JMJD1C: variants seen among roughly 807,000 people sequenced by gnomAD.
The protein encoded by JMJD1C is jumonji domain-containing protein 1C.
JMJD1C carries 31 observed loss-of-function variants against 245.3 expected under a neutral mutation model. That is an observed-to-expected ratio of 0.13 (90% CI 0.09 to 0.17). The LOEUF (loss-of-function observed/expected upper bound fraction) is 0.17. Ranked by LOEUF, JMJD1C falls within the 10% of genes least tolerant of loss-of-function variation. The pLI is 1.00. For missense variants in JMJD1C, 2,691 were observed against 3,000.2 expected, an observed-to-expected ratio of 0.90 and a Z score of 2.41; for synonymous variants, 1,057 against 1,017.4, an observed-to-expected ratio of 1.04 and a Z score of -0.74.
intron 1 of JMJD1C, among the ~76,000 whole-genome samples, chr10:63,392,578 G>C (rs1186417258): frequency 6.6e-6 from 1 of 152,032 alleles, no homozygotes; most frequent in Non-Finnish European, 1.5e-5. Flanking sequence ...TGTAATCCCA[G>C]AACTTTAGGA....
At chr10:63,470,076 C>T (rs980736609), upstream of JMJD1C, among the ~76,000 whole-genome samples, 1 of 152,104 alleles carries the variant, frequency 6.6e-6, no homozygotes, top group African/African-American at 2.4e-5. Flanking sequence ...TCCCCAATAA[C>T]AGATTTTCAA....
At chr10:63,350,184 C>T (rs1019905443) in intron 2 of JMJD1C, among the ~76,000 whole-genome samples, 29 of 152,132 alleles carry the variant, frequency 1.9e-4, no homozygotes, top group Non-Finnish European at 4.0e-4. Flanking sequence ...AAAAGGTGAC[C>T]TGACTCATGA....
intron 2 of JMJD1C, among the ~76,000 whole-genome samples, chr10:63,270,444 C>T (rs1174391723): frequency 6.6e-6 from 1 of 151,726 alleles, no homozygotes; most frequent in Non-Finnish European, 1.5e-5. Context: ...ACTGGGATTA[C>T]AGGTGTGAGC....
chr10:63,344,295 T>C (rs919808003), intron 2 of JMJD1C, among the ~76,000 whole-genome samples: 4 of 152,198 alleles, frequency 2.6e-5, no homozygotes, highest in Admixed American at 6.5e-5. Context: ...TGTGTTACAA[T>C]TGCCTAAAAT....
intron 1 of JMJD1C, among the ~76,000 whole-genome samples, chr10:63,420,892 C>T (rs1950089093): frequency 7.0e-6 from 1 of 142,940 alleles, no homozygotes; most frequent in African/African-American, 2.9e-5. Context: ...AAGTACAAAA[C>T]AAACATTGTA....
chr10:63,246,203 T>C (rs1852179255), intron 3 of JMJD1C, among the ~76,000 whole-genome samples: 1 of 151,650 alleles, frequency 6.6e-6, no homozygotes. Context: ...GGAGATAAAA[T>C]CCAGGTAAAG....
At chr10:63,222,261 C>A in intron 3 of JMJD1C, 1 of 832,606 alleles carries the variant, frequency 1.2e-6, no homozygotes, top group Non-Finnish European at 2.1e-6. Context: ...CAGGATGTAA[C>A]AGGGAGAGCT....
Position 63,208,132 on chromosome 10 carries a change from G to A in JMJD1C, c.3537C>T (p.Phe1179=). The stretch of plus-strand genomic sequence containing the variant: ...GGGTAGGACTCCTACAATCATTTCT[G>A]AAGGTTGTTACTGAGTGAGATGCAA... ...HQIASHSVTT[F]RNDCRSPTHL... The change falls in exon 10 of 26, where the codon TTC becomes TTT. Residue 1179 remains phenylalanine, a synonymous_variant. Coordinates refer to ENST00000399262, the MANE Select transcript of JMJD1C (RefSeq NM_032776.3). 1.2e-6 allele frequency: 2 copies of A among 1,614,134 alleles called. No individual in the cohort carries two copies. The highest frequency in any genetic ancestry group is 1.7e-6 in the Non-Finnish European group (2 of 1,179,978).
intron 1 of JMJD1C, among the ~76,000 whole-genome samples, chr10:63,443,586 A>G (rs1167707053): frequency 2.0e-5 from 3 of 152,240 alleles, no homozygotes; most frequent in African/African-American, 7.2e-5. Flanking sequence ...TACTGGGATT[A>G]CAGGCGTGAG....
At chr10:63,279,675 G>T (rs1403220849) in intron 2 of JMJD1C, among the ~76,000 whole-genome samples, 1 of 152,142 alleles carries the variant, frequency 6.6e-6, no homozygotes, top group Non-Finnish European at 1.5e-5. Flanking sequence ...AGGAGCACTT[G>T]AGCCCACGAA....
intron 1 of JMJD1C, among the ~76,000 whole-genome samples, chr10:63,425,906 G>C (rs553806066): frequency 7.0e-4 from 107 of 152,284 alleles, no homozygotes; most frequent in Non-Finnish European, 1.3e-3. Flanking sequence ...GATATGCAAA[G>C]GCCAAGGACA....
intron 1 of JMJD1C, among the ~76,000 whole-genome samples, chr10:63,499,005 T>C (rs901687481): frequency 5.3e-5 from 8 of 152,246 alleles, no homozygotes; most frequent in African/African-American, 9.6e-5. Context: ...CTTATTTCAC[T>C]GACACAGTGT....
At chr10:63,244,503 G>C (rs987945051) in intron 3 of JMJD1C, among the ~76,000 whole-genome samples, 2 of 152,128 alleles carry the variant, frequency 1.3e-5, no homozygotes, top group African/African-American at 4.8e-5. Context: ...CAAAGACATA[G>C]ACATACATCC....
chr10:63,334,123 G>A (rs1484426397), intron 2 of JMJD1C, among the ~76,000 whole-genome samples: 1 of 152,184 alleles, frequency 6.6e-6, no homozygotes, highest in Admixed American at 6.5e-5. Context: ...AGAGGTGGTA[G>A]ACATACTCCA....
intron 2 of JMJD1C, among the ~76,000 whole-genome samples, chr10:63,329,589 A>G (rs1941922019): frequency 6.6e-6 from 1 of 152,214 alleles, no homozygotes; most frequent in Admixed American, 6.5e-5. Context: ...TAACTTGACA[A>G]ATACATAAAA....
At chr10:63,254,117 T>C (rs1279396391) in intron 3 of JMJD1C, among the ~76,000 whole-genome samples, 1 of 152,182 alleles carries the variant, frequency 6.6e-6, no homozygotes, top group Non-Finnish European at 1.5e-5. Context: ...GGGCTTCATT[T>C]TAAAGTATTT....
chr10:63,521,477 C>G, intron 1 of JMJD1C: 1 of 1,098,892 alleles, frequency 9.1e-7, no homozygotes, highest in Non-Finnish European at 1.2e-6. Flanking sequence ...CGCGGCCTGC[C>G]GTTGGCGGCC....
intron 1 of JMJD1C, among the ~76,000 whole-genome samples, chr10:63,421,186 T>C (rs1174505207): frequency 1.3e-5 from 2 of 151,724 alleles, no homozygotes; most frequent in African/African-American, 4.8e-5. Context: ...AATACAAAAT[T>C]AGCCGGGCGT....
chr10:63,381,482 T>C (rs978992889), intron 1 of JMJD1C, among the ~76,000 whole-genome samples: 1 of 152,168 alleles, frequency 6.6e-6, no homozygotes, highest in African/African-American at 2.4e-5. Flanking sequence ...CAGTGAGCTA[T>C]GATCGCACCA....
Sources: allele counts gnomAD v4.1 joint callset (sites outside exome capture counted in the v4.1 genomes callset), GRCh38; gene constraint gnomAD v4.1.1; transcripts MANE v1.5; gene names NCBI Gene and HGNC (gene_info 2026-07-23, HGNC 2026-07-21).